SLC14A2: variants seen among roughly 807,000 people sequenced by gnomAD.
The protein encoded by SLC14A2 is urea transporter 2.
In SLC14A2, 91 loss-of-function variants were observed where a neutral mutation model predicts 104.6. The observed-to-expected ratio is 0.87, with a 90% confidence interval of 0.73 to 1.04. The LOEUF is 1.04. SLC14A2 is among the 50% of genes least tolerant of loss of function. The pLI is 0.00. For synonymous variants in SLC14A2, 476 were observed against 466.4 expected, an observed-to-expected ratio of 1.02 and a Z score of -0.27; for missense variants, 1,189 against 1,156.0, an observed-to-expected ratio of 1.03 and a Z score of -0.41.
At chr18:45,450,595 T>C (rs1288765281) in intron 1 of SLC14A2, among the ~76,000 whole-genome samples, 3 of 152,168 alleles carry the variant, frequency 2.0e-5, no homozygotes, top group Non-Finnish European at 4.4e-5. Flanking sequence ...TCATTGTTGT[T>C]CCATTCAACT....
intron 1 of SLC14A2, among the ~76,000 whole-genome samples, chr18:45,354,204 C>G (rs117604633): frequency 1.3e-5 from 2 of 152,326 alleles, no homozygotes; most frequent in Non-Finnish European, 2.9e-5. Context: ...TCAAGCTTAT[C>G]TAAGCTATTG....
chr18:45,218,366 A>G (rs1366924775), intron 1 of SLC14A2, among the ~76,000 whole-genome samples: 2 of 152,214 alleles, frequency 1.3e-5, no homozygotes, highest in African/African-American at 2.4e-5. Flanking sequence ...AGGCTGAATA[A>G]TATTCTATTG....
chr18:45,598,734 T>C (rs930751964), intron 2 of SLC14A2, among the ~76,000 whole-genome samples: 1 of 152,188 alleles, frequency 6.6e-6, no homozygotes, highest in Non-Finnish European at 1.5e-5. Context: ...CCTGGACTCT[T>C]GTCCTGACTT....
At chr18:45,379,712 G>A (rs2085813162) in intron 1 of SLC14A2, among the ~76,000 whole-genome samples, 1 of 152,206 alleles carries the variant, frequency 6.6e-6, no homozygotes, top group African/African-American at 2.4e-5. Flanking sequence ...CACACCAAGT[G>A]TGGGATTATT....
At chr18:45,268,540 C>G (rs1409935622) in intron 1 of SLC14A2, among the ~76,000 whole-genome samples, 1 of 152,198 alleles carries the variant, frequency 6.6e-6, no homozygotes, top group Non-Finnish European at 1.5e-5. Context: ...AAAGAATGCT[C>G]TGATTTTTCC....
intron 2 of SLC14A2, chr18:45,542,164 G>A (rs1285214653): frequency 1.4e-5 from 2 of 145,144 alleles, no homozygotes; most frequent in East Asian, 4.2e-4. Flanking sequence ...TATCACAAAG[G>A]TATGTTTCCC....
In SLC14A2 at chr18:45,443,068, G is replaced by A. The variant is rs899809861; in HGVS notation, c.-124-40165G>A. Among the ~76,000 whole-genome samples, 8 of 152,318 alleles carry A rather than the reference G, an allele frequency of 5.3e-5. No homozygotes were observed. The East Asian group carries it at 1.2e-3, about 22-fold the overall frequency. ...CCTTGCTCCAAAGTCTAAACCCACT[G>A]AAATTTAACCATGAGATTTATCCTT... On this transcript the variant is annotated intron_variant, in intron 1 of 20. Coordinates refer to the SLC14A2 transcript ENST00000586448.
intron 1 of SLC14A2, among the ~76,000 whole-genome samples, chr18:45,347,253 G>A (rs2085458584): frequency 6.6e-6 from 1 of 152,096 alleles, no homozygotes; most frequent in Non-Finnish European, 1.5e-5. Context: ...CTACTTGGGA[G>A]GCTGAGGTGA....
chr18:45,339,522 A>C (rs567813716), intron 1 of SLC14A2, among the ~76,000 whole-genome samples: 1 of 152,326 alleles, frequency 6.6e-6, no homozygotes, highest in South Asian at 2.1e-4. Flanking sequence ...ACACATACTC[A>C]TCAATCACCT....
chr18:45,560,135 C>T (rs2044182690), intron 2 of SLC14A2, among the ~76,000 whole-genome samples: 1 of 152,198 alleles, frequency 6.6e-6, no homozygotes, highest in African/African-American at 2.4e-5. Context: ...ATTTGTCTGG[C>T]ATCTACTGCA....
At chr18:45,595,792 C>A (rs536383532) in intron 2 of SLC14A2, among the ~76,000 whole-genome samples, 30 of 152,300 alleles carry the variant, frequency 2.0e-4, no homozygotes, top group African/African-American at 7.2e-4. Context: ...TCCCTGCTCC[C>A]CGGCTTCCTC....
intron 1 of SLC14A2, among the ~76,000 whole-genome samples, chr18:45,413,168 C>T (rs185647192): frequency 6.6e-4 from 101 of 152,290 alleles, no homozygotes; most frequent in African/African-American, 2.4e-3. Flanking sequence ...AAGATAATTA[C>T]ACAGAGTAGC....
intron 1 of SLC14A2, among the ~76,000 whole-genome samples, chr18:45,250,888 G>T (rs1204830945): frequency 6.6e-6 from 1 of 151,828 alleles, no homozygotes; most frequent in Non-Finnish European, 1.5e-5. Context: ...GATGCCTGAG[G>T]CAAGTTAACT....
chr18:45,328,533 C>T (rs760680580), intron 1 of SLC14A2, among the ~76,000 whole-genome samples: 27 of 152,294 alleles, frequency 1.8e-4, no homozygotes, highest in Non-Finnish European at 3.7e-4. Flanking sequence ...CAGTAACTCC[C>T]TCAGGGGCTG....
intron 1 of SLC14A2, among the ~76,000 whole-genome samples, chr18:45,467,599 T>C (rs566920353): frequency 6.6e-6 from 1 of 152,168 alleles, no homozygotes; most frequent in East Asian, 1.9e-4. Flanking sequence ...CCCTTCAGGG[T>C]CATAGGGACA....
intron 2 of SLC14A2, among the ~76,000 whole-genome samples, chr18:45,488,002 AG>A (rs1260684173): frequency 2.0e-5 from 3 of 152,174 alleles, no homozygotes; most frequent in Non-Finnish European, 4.4e-5. Context: ...CCTGTACCTA[AG>A]CTTCACTTTT....
intron 1 of SLC14A2, among the ~76,000 whole-genome samples, chr18:45,346,549 C>G (rs868150825): frequency 6.6e-5 from 10 of 152,220 alleles, no homozygotes; most frequent in East Asian, 5.8e-4. Flanking sequence ...AATATTTTCT[C>G]TAAGTCTGAA....
intron 2 of SLC14A2, among the ~76,000 whole-genome samples, chr18:45,602,106 CTCAG>C (rs1345783329): frequency 3.3e-5 from 5 of 152,200 alleles, no homozygotes; most frequent in Admixed American, 1.3e-4. Flanking sequence ...AGTTCTAAAC[CTCAG>C]TCAAAGAAGC....
intron 1 of SLC14A2, chr18:45,438,399 T>C (rs771115914): frequency 6.6e-6 from 1 of 152,004 alleles, no homozygotes; most frequent in Non-Finnish European, 1.5e-5. Flanking sequence ...ATTTACCTCC[T>C]GTTATCTGTA....
Sources: allele counts gnomAD v4.1 joint callset (sites outside exome capture counted in the v4.1 genomes callset), GRCh38; gene constraint gnomAD v4.1.1; transcripts MANE v1.5; gene names NCBI Gene and HGNC (gene_info 2026-07-23, HGNC 2026-07-21).